Variants in LRMDA observed in about 807,000 individuals in gnomAD.
The protein encoded by LRMDA is leucine rich melanocyte differentiation associated.
Under a neutral mutation model 29.8 loss-of-function variants are expected in LRMDA, and 18 were observed. The observed-to-expected ratio is 0.60, with a 90% confidence interval of 0.42 to 0.90. The LOEUF is 0.90. Ranked by LOEUF, LRMDA falls within the 40% of genes least tolerant of loss-of-function variation. The pLI, the probability that LRMDA is intolerant of heterozygous loss-of-function variation, is 0.00. For synonymous variants in LRMDA, 125 were observed against 109.4 expected, an observed-to-expected ratio of 1.14 and a Z score of -0.89; for missense variants, 273 against 273.9, an observed-to-expected ratio of 1.00 and a Z score of 0.02.
At chr10:75,459,101 AT>A (rs1157381241) in intron 2 of LRMDA, among the ~76,000 whole-genome samples, 2 of 152,010 alleles carry the variant, frequency 1.3e-5, no homozygotes, top group African/African-American at 4.8e-5. Flanking sequence ...GAAATTTGAA[AT>A]TGATTTAATA....
intron 2 of LRMDA, among the ~76,000 whole-genome samples, chr10:75,844,998 G>T (rs1013587109): frequency 1.4e-4 from 22 of 152,304 alleles, no homozygotes; most frequent in Admixed American, 1.2e-3. Flanking sequence ...ATGGCTGGAT[G>T]TTGAAGTGTG....
chr10:75,462,150 T>C (rs1844593890), intron 2 of LRMDA, among the ~76,000 whole-genome samples: 3 of 152,176 alleles, frequency 2.0e-5, no homozygotes, highest in African/African-American at 7.2e-5. Context: ...CAAAATGAAA[T>C]AAAACCTTGT....
chr10:75,742,385 A>AGC (rs1842840671), intron 2 of LRMDA, among the ~76,000 whole-genome samples: 1 of 152,166 alleles, frequency 6.6e-6, no homozygotes, highest in African/African-American at 2.4e-5. Flanking sequence ...ATGGAGAGAG[A>AGC]GGGGCAAGGC....
intron 5 of LRMDA, among the ~76,000 whole-genome samples, chr10:76,174,656 A>C (rs570513249): frequency 2.0e-5 from 3 of 152,280 alleles, no homozygotes; most frequent in South Asian, 2.1e-4. Context: ...ATATGGCCTC[A>C]TATTTGTCAC....
intron 2 of LRMDA, among the ~76,000 whole-genome samples, chr10:75,490,506 A>G (rs1437357954): frequency 1.3e-5 from 2 of 152,192 alleles, no homozygotes; most frequent in Non-Finnish European, 2.9e-5. Flanking sequence ...AACTCATTTA[A>G]CCTAATTCTA....
At chr10:75,782,777 C>G (rs1843405540) in intron 2 of LRMDA, 3 of 1,406,400 alleles carry the variant, frequency 2.1e-6, no homozygotes, top group South Asian at 1.6e-5. Context: ...GAAAGAGGAT[C>G]TGGCTGAAAG....
At chr10:76,314,656 A>G (rs1840669816) in intron 5 of LRMDA, among the ~76,000 whole-genome samples, 1 of 152,250 alleles carries the variant, frequency 6.6e-6, no homozygotes, top group Admixed American at 6.5e-5. Flanking sequence ...AGAAGTGAGG[A>G]GTCTTGTTAA....
In LRMDA at chr10:75,906,462, A is replaced by G. The variant is rs538932522; in HGVS notation, c.132-129546A>G. 3.9e-5 allele frequency among the ~76,000 whole-genome samples: 6 copies of G among 152,290 alleles called. No individual in the cohort carries two copies. In the South Asian group the frequency reaches 6.2e-4, roughly 16 times the overall value. ...CAATTAGAGGTCTAACCAGGTATAG[A>G]GCTAACTGTGGCCTCCGATTCCCAG... On this transcript the variant is annotated intron_variant, in intron 2 of 6. Transcript: ENST00000611255.
At chr10:76,502,984 A>G (rs750198303) in intron 6 of LRMDA, among the ~76,000 whole-genome samples, 1 of 151,850 alleles carries the variant, frequency 6.6e-6, no homozygotes, top group Non-Finnish European at 1.5e-5. Flanking sequence ...CTCCCAGGGA[A>G]TAATGCTTTC....
intron 6 of LRMDA, among the ~76,000 whole-genome samples, chr10:76,406,032 C>G (rs2132502393): frequency 6.6e-6 from 1 of 152,288 alleles, no homozygotes; most frequent in Non-Finnish European, 1.5e-5. Flanking sequence ...ATTTAACTGG[C>G]CAGCGAGGAA....
chr10:75,600,237 ATTCT>A (rs1217707919), intron 2 of LRMDA, among the ~76,000 whole-genome samples: 2 of 152,096 alleles, frequency 1.3e-5, no homozygotes, highest in African/African-American at 4.8e-5. Flanking sequence ...TTTCCACAGC[ATTCT>A]TTGTCTTAAC....
At chr10:76,311,366 A>G (rs1840627678) in intron 5 of LRMDA, among the ~76,000 whole-genome samples, 1 of 152,212 alleles carries the variant, frequency 6.6e-6, no homozygotes, top group Non-Finnish European at 1.5e-5. Context: ...TGAAGAGTCA[A>G]TTAAGAATCT....
chr10:75,757,266 G>A (rs750480101), intron 2 of LRMDA, among the ~76,000 whole-genome samples: 26 of 152,092 alleles, frequency 1.7e-4, no homozygotes, highest in Admixed American at 5.9e-4. Flanking sequence ...TTCTCTGCTG[G>A]GTGCTTTTCT....
intron 1 of LRMDA, among the ~76,000 whole-genome samples, chr10:75,433,150 C>G (rs1402926433): frequency 6.6e-6 from 1 of 152,122 alleles, no homozygotes; most frequent in Non-Finnish European, 1.5e-5. Context: ...GGGTCTTTTC[C>G]TTCTCTTGGA....
intron 6 of LRMDA, among the ~76,000 whole-genome samples, chr10:76,329,605 G>A (rs1393882348): frequency 2.0e-5 from 3 of 152,184 alleles, no homozygotes; most frequent in Admixed American, 1.3e-4. Flanking sequence ...TATTGACACA[G>A]TTGTTAGGTA....
chr10:76,297,904 A>G (rs896466666), intron 5 of LRMDA, among the ~76,000 whole-genome samples: 4 of 152,204 alleles, frequency 2.6e-5, no homozygotes, highest in African/African-American at 9.7e-5. Context: ...TCCAGGTACA[A>G]ATAGGTAAAA....
chr10:76,307,770 C>T (rs1840576517), intron 5 of LRMDA, among the ~76,000 whole-genome samples: 1 of 152,104 alleles, frequency 6.6e-6, no homozygotes. Context: ...TCCTGGGAGG[C>T]CACCACGTGG....
chr10:75,569,821 G>A (rs1840415829), intron 2 of LRMDA, among the ~76,000 whole-genome samples: 1 of 152,202 alleles, frequency 6.6e-6, no homozygotes, highest in African/African-American at 2.4e-5. Flanking sequence ...AGACTGGTGA[G>A]GTGAGCTGTG....
chr10:75,913,587 C>T (rs370200678), intron 2 of LRMDA, among the ~76,000 whole-genome samples: 31 of 152,350 alleles, frequency 2.0e-4, no homozygotes, highest in African/African-American at 6.7e-4. Flanking sequence ...TGAGCCCTGC[C>T]TTTTGGGAGC....
Sources: allele counts gnomAD v4.1 joint callset (sites outside exome capture counted in the v4.1 genomes callset), GRCh38; gene constraint gnomAD v4.1.1; transcripts MANE v1.5; gene names NCBI Gene and HGNC (gene_info 2026-07-23, HGNC 2026-07-21).